Variants in SLC4A4 observed in about 807,000 individuals in gnomAD.
SLC4A4 encodes the protein solute carrier family 4 member 4, also known as electrogenic sodium bicarbonate cotransporter 1.
A neutral mutation model predicts 111.5 loss-of-function variants in SLC4A4; 27 were observed. The ratio of observed to expected loss-of-function variants is 0.24; its 90% confidence interval spans 0.18 to 0.33. The LOEUF is 0.33. SLC4A4 is among the 10% of genes least tolerant of loss of function. SLC4A4 has a pLI of 1.00. For synonymous variants in SLC4A4, 443 were observed against 463.4 expected (o/e 0.96, Z 0.57); for missense variants, 909 against 1,315.5 (o/e 0.69, Z 4.78).
At chr4:71,519,720 C>A in intron 16 of SLC4A4, among the ~76,000 whole-genome samples, 2 of 152,196 alleles carry the variant, frequency 1.3e-5, no homozygotes, top group East Asian at 3.9e-4. Flanking sequence ...CTGTAACCTC[C>A]GCCTCCTGGG....
chr4:71,174,889 C>T (rs531593090), intron 2 of SLC4A4, among the ~76,000 whole-genome samples: 16 of 152,244 alleles, frequency 1.1e-4, no homozygotes, highest in South Asian at 6.2e-4. Flanking sequence ...AATTTCCTTC[C>T]GAAAATCTTT....
chr4:71,314,875 T>C (rs974656970), intron 3 of SLC4A4, among the ~76,000 whole-genome samples: 1 of 152,072 alleles, frequency 6.6e-6, no homozygotes, highest in Non-Finnish European at 1.5e-5. Context: ...ATGGCACATG[T>C]ATACCTATGT....
intron 3 of SLC4A4, among the ~76,000 whole-genome samples, chr4:71,333,284 T>G (rs1056833276): frequency 1.3e-5 from 2 of 152,240 alleles, no homozygotes; most frequent in African/African-American, 4.8e-5. Flanking sequence ...TCTTACAGAC[T>G]TGCAGGTTTA....
chr4:71,368,767 C>T (rs1191411605), intron 6 of SLC4A4, among the ~76,000 whole-genome samples: 1 of 152,120 alleles, frequency 6.6e-6, no homozygotes, highest in African/African-American at 2.4e-5. Context: ...TGTATTAGAA[C>T]TGCAGGGTGG....
chr4:71,466,964 AGG>A (rs1553917337), intron 13 of SLC4A4, among the ~76,000 whole-genome samples: 2,455 of 109,224 alleles, frequency 0.022, 47 homozygotes, highest in Non-Finnish European at 0.029. Context: ...AGAGAGAGAG[AGG>A]GAGAGAGAGA....
chr4:71,258,373 C>T (rs1721609265), intron 3 of SLC4A4, among the ~76,000 whole-genome samples: 1 of 152,148 alleles, frequency 6.6e-6, no homozygotes, highest in Non-Finnish European at 1.5e-5. Context: ...AGTGCAGATT[C>T]CCCTTCATTA....
intron 1 of SLC4A4, among the ~76,000 whole-genome samples, chr4:71,194,947 A>G (rs1745919377): frequency 6.6e-6 from 1 of 152,198 alleles, no homozygotes; most frequent in African/African-American, 2.4e-5. Flanking sequence ...GTGTAAAGCA[A>G]CAATTCTTAA....
intron 7 of SLC4A4, among the ~76,000 whole-genome samples, chr4:71,436,060 A>G (rs1262988856): frequency 1.3e-5 from 2 of 152,246 alleles, no homozygotes; most frequent in Non-Finnish European, 1.5e-5. Flanking sequence ...ATTATTGGGT[A>G]TATACCCAAA....
intron 7 of SLC4A4, among the ~76,000 whole-genome samples, chr4:71,407,709 T>C (rs1720989451): frequency 6.6e-6 from 1 of 152,090 alleles, no homozygotes; most frequent in African/African-American, 2.4e-5. Context: ...TAAATGGAAA[T>C]TATTGTGGCT....
chr4:71,555,110 T>C, intron 20 of SLC4A4, 30 bp from the exon 21 acceptor site: 1 of 1,482,906 alleles, frequency 6.7e-7, no homozygotes, highest in Non-Finnish European at 9.4e-7. Flanking sequence ...TGTTATCATT[T>C]TTAAGTTGTA....
chr4:71,311,523 A>T (rs1387623507), intron 3 of SLC4A4, among the ~76,000 whole-genome samples: 1 of 152,216 alleles, frequency 6.6e-6, no homozygotes, highest in Non-Finnish European at 1.5e-5. Flanking sequence ...ATTAGAACTC[A>T]GGATGAAGAA....
At position 71,348,750 on chromosome 4, in the gene SLC4A4, GT is replaced by G. The variant is rs907205370; in HGVS notation, c.390-1153del. Among the ~76,000 whole-genome samples, 9 of 151,224 alleles carry G rather than the reference GT, an allele frequency of 6.0e-5. No individual in the cohort carries two copies. The South Asian group carries it at 8.4e-4, about 14-fold the overall frequency. On this transcript the variant is annotated intron_variant, in intron 4 of 25. Transcript: ENST00000264485. ...ATTTTCACTCCTGGTCTACTAATGT[GT>G]TTTTTTTTCCCCTCCTCTGGGGGTG...
chr4:71,534,395 G>A lies in SLC4A4; in HGVS notation c.2442+7G>A. The A allele has an allele frequency of 6.2e-7, 1 of 1,612,836 alleles. No homozygotes were observed. The highest frequency in any genetic ancestry group is 8.5e-7 in the Non-Finnish European group (1 of 1,179,100). ...GAAAGAACATAAACTCAAGGTAAGT[G>A]TCCATAATAATGTCTGTCATTGCCT... On this transcript the variant is annotated splice_region_variant and intron_variant, in intron 18 of 25. Coordinates refer to ENST00000264485, the MANE Select transcript of SLC4A4 (RefSeq NM_001098484.3).
At chr4:71,396,657 C>G (rs1253723305) in intron 6 of SLC4A4, among the ~76,000 whole-genome samples, 1 of 152,102 alleles carries the variant, frequency 6.6e-6, no homozygotes, top group Admixed American at 6.5e-5. Context: ...CTTAGCAAGC[C>G]TAGAAATTTC....
intron 7 of SLC4A4, among the ~76,000 whole-genome samples, chr4:71,401,811 A>C (rs76304910): frequency 0.017 from 2,537 of 152,336 alleles, 44 homozygotes; most frequent in Non-Finnish European, 0.024. Flanking sequence ...TCACAATTAC[A>C]TGTCAACCTC....
At chr4:71,139,035 C>CAA (rs5859250) in intron 2 of SLC4A4, among the ~76,000 whole-genome samples, 3,784 of 42,168 alleles carry the variant, frequency 0.09, 727 homozygotes, top group African/African-American at 0.32. Context: ...GACTCCGTCT[C>CAA]AAAAAAAAAA....
At chr4:71,445,191 A>G (rs752993576) in intron 8 of SLC4A4, among the ~76,000 whole-genome samples, 3 of 152,152 alleles carry the variant, frequency 2.0e-5, no homozygotes, top group Non-Finnish European at 4.4e-5. Context: ...ACAAAGAGTA[A>G]ATATTTTATA....
chr4:71,077,570 A>T (rs933743752), intron 1 of SLC4A4, among the ~76,000 whole-genome samples: 1 of 152,246 alleles, frequency 6.6e-6, no homozygotes, highest in African/African-American at 2.4e-5. Context: ...ATTAATCATT[A>T]TCCAGGCTAA....
intron 2 of SLC4A4, among the ~76,000 whole-genome samples, chr4:71,117,767 AT>A (rs1252643648): frequency 1.3e-5 from 2 of 152,130 alleles, no homozygotes; most frequent in Non-Finnish European, 2.9e-5. Flanking sequence ...CTCTACATAT[AT>A]ATAGTCAATT....
Sources: gnomAD v4.1 joint callset for allele counts (sites outside exome capture counted in the v4.1 genomes callset) on GRCh38, gnomAD v4.1.1 for gene constraint, MANE v1.5 for transcripts, NCBI Gene and HGNC (gene_info 2026-07-23, HGNC 2026-07-21) for gene names.